Variants in EGFLAM observed in about 807,000 individuals in gnomAD.
EGFLAM encodes the protein pikachurin.
EGFLAM carries 79 observed loss-of-function variants against 113.1 expected under a neutral mutation model. The observed-to-expected ratio is 0.70, with a 90% CI of 0.58 to 0.84. The LOEUF (loss-of-function observed/expected upper bound fraction) is 0.84, where lower values mean the gene tolerates loss of function less well. Among genes scored for constraint, EGFLAM ranks in the 40% least tolerant of loss-of-function variants. EGFLAM has a pLI of 0.00. For missense variants in EGFLAM, 1,265 were observed against 1,291.6 expected (o/e 0.98, Z 0.32); for synonymous variants, 504 against 487.6 (o/e 1.03, Z -0.44).
chr5:38,368,907 G>C (rs1203104938), intron 5 of EGFLAM, among the ~76,000 whole-genome samples: 3 of 152,136 alleles, frequency 2.0e-5, no homozygotes, highest in Non-Finnish European at 2.9e-5. Flanking sequence ...TACTGCATAG[G>C]GCATTTTTGA....
In EGFLAM at chr5:38,456,298, G is replaced by A. The variant is rs145925742; in HGVS notation, c.2688-2013G>A. On this transcript the variant is annotated intron_variant, in intron 19 of 21. Coordinates refer to ENST00000322350, the MANE Select transcript of EGFLAM (RefSeq NM_152403.4). Reference sequence around the variant, plus strand: ...CAAGGTCACAGAGCTGTTAACTAGCGAGTCTGGGGATCAAGGCAGGTCCGT... The same window carrying A: ...CAAGGTCACAGAGCTGTTAACTAGCAAGTCTGGGGATCAAGGCAGGTCCGT... Among the ~76,000 whole-genome samples, 717 of 152,250 alleles carry A rather than the reference G, an allele frequency of 4.7e-3. 9 individuals are homozygous for A. The highest frequency in any genetic ancestry group is 0.017 in the African/African-American group (699 of 41,538).
At chr5:38,456,765 C>T (rs76964307) in intron 19 of EGFLAM, among the ~76,000 whole-genome samples, 3,698 of 152,208 alleles carry the variant, frequency 0.024, 153 homozygotes, top group African/African-American at 0.083. Flanking sequence ...GATTTTCTCT[C>T]GACATCCCTC....
At chr5:38,295,951 A>G (rs1304346009) in intron 1 of EGFLAM, among the ~76,000 whole-genome samples, 2 of 152,174 alleles carry the variant, frequency 1.3e-5, no homozygotes, top group Non-Finnish European at 2.9e-5. Context: ...GCAAAACACA[A>G]TCAGAGACAA....
intron 1 of EGFLAM, among the ~76,000 whole-genome samples, chr5:38,263,461 CA>C (rs955109663): frequency 1.3e-5 from 2 of 151,302 alleles, no homozygotes; most frequent in African/African-American, 2.4e-5. Flanking sequence ...GACTCTGTCT[CA>C]AAAAAAAGAA....
chr5:38,338,570 G>A (rs574461194), intron 2 of EGFLAM, 128 bp from the exon 3 acceptor site: 65 of 816,118 alleles, frequency 8.0e-5, no homozygotes, highest in South Asian at 1.9e-4. Context: ...GTGTGTTCCC[G>A]CAGAACTAGT....
At chr5:38,288,410 T>A (rs1195643927) in intron 1 of EGFLAM, among the ~76,000 whole-genome samples, 1 of 152,232 alleles carries the variant, frequency 6.6e-6, no homozygotes, top group Non-Finnish European at 1.5e-5. Context: ...TCCACTGTGA[T>A]ATAATCTATT....
At chr5:38,284,961 A>G (rs1758118432) in intron 1 of EGFLAM, among the ~76,000 whole-genome samples, 1 of 152,214 alleles carries the variant, frequency 6.6e-6, no homozygotes, top group Non-Finnish European at 1.5e-5. Context: ...AAGTAGTGAC[A>G]ATAGCTCTGT....
chr5:38,444,785 A>G (rs1004209505), intron 17 of EGFLAM, among the ~76,000 whole-genome samples: 1 of 152,142 alleles, frequency 6.6e-6, no homozygotes, highest in Non-Finnish European at 1.5e-5. Context: ...ACTCTACTAA[A>G]AATACAAAAA....
At chr5:38,301,037 G>A (rs1758563545) in intron 1 of EGFLAM, among the ~76,000 whole-genome samples, 1 of 152,180 alleles carries the variant, frequency 6.6e-6, no homozygotes, top group African/African-American at 2.4e-5. Flanking sequence ...TGTCTTGGAG[G>A]TGTTGTTACA....
chr5:38,284,375 G>A (rs1224530458), intron 1 of EGFLAM, among the ~76,000 whole-genome samples: 3 of 152,014 alleles, frequency 2.0e-5, no homozygotes, highest in Admixed American at 6.6e-5. Flanking sequence ...TTCTATTTAC[G>A]GGGTCTTTCT....
chr5:38,396,063 T>TTTTTTTTTTTTTTTTTTTTTTTTTGAG (rs1482050151), intron 6 of EGFLAM, among the ~76,000 whole-genome samples: 4 of 151,964 alleles, frequency 2.6e-5, no homozygotes, highest in African/African-American at 7.3e-5. Context: ...ACCCACTCTT[T>TTTTTTTTTTTTTTTTTTTTTTTTTGAG]AAAAGCCTCC....
Position 38,435,147 on chromosome 5 carries a change from C to A in EGFLAM, c.2177C>A (p.Thr726Lys), listed in dbSNP as rs1262409404. 1 of 1,613,878 alleles carries A rather than the reference C, an allele frequency of 6.2e-7. No individual in the cohort carries two copies. Among genetic ancestry groups the A allele is most frequent in the African/African-American group, 1.3e-5 (1 of 74,920 alleles). Residue 726 changes from threonine to lysine, a missense_variant, in exon 16 of 22, where the codon ACA becomes AAA. Transcript: ENST00000322350. ...IVEGMAEGGF[T>K]QIKCNTDIFI... ...TTAATCTTTTGGCAGGGAGGCTTCACACAGATTAAGTGCAACACAGACATT... is the reference window on the plus strand; with the variant it reads ...TTAATCTTTTGGCAGGGAGGCTTCAAACAGATTAAGTGCAACACAGACATT...
intron 5 of EGFLAM, among the ~76,000 whole-genome samples, 193 bp downstream of exon 5, chr5:38,352,524 G>T (rs773189356): frequency 1.3e-5 from 2 of 152,014 alleles, no homozygotes; most frequent in Non-Finnish European, 2.9e-5. Flanking sequence ...GCACGTGCCT[G>T]TAGTCTCAGC....
At chr5:38,313,326 T>G (rs891824188) in intron 1 of EGFLAM, among the ~76,000 whole-genome samples, 1 of 152,216 alleles carries the variant, frequency 6.6e-6, no homozygotes, top group South Asian at 2.1e-4. Context: ...AACGTTTCCA[T>G]GTGTTATCTT....
intron 1 of EGFLAM, among the ~76,000 whole-genome samples, chr5:38,311,420 A>C (rs964265180): frequency 7.2e-5 from 11 of 152,026 alleles, no homozygotes; most frequent in Non-Finnish European, 1.5e-4. Flanking sequence ...TTAAGATCCT[A>C]TATGTAAGTG....
chr5:38,419,189 G>C (rs1473592859), intron 12 of EGFLAM, among the ~76,000 whole-genome samples: 1 of 152,112 alleles, frequency 6.6e-6, no homozygotes, highest in African/African-American at 2.4e-5. Flanking sequence ...CCACTCTTAT[G>C]ACCTCAATTA....
chr5:38,391,824 T>C (rs1740820843), intron 6 of EGFLAM, among the ~76,000 whole-genome samples: 1 of 151,864 alleles, frequency 6.6e-6, no homozygotes, highest in Non-Finnish European at 1.5e-5. Context: ...CCGCCCAGGC[T>C]GGACTGCAGT....
At chr5:38,336,582 C>CACACACACACACACAG (rs1159354002) in intron 1 of EGFLAM, among the ~76,000 whole-genome samples, 1 of 151,628 alleles carries the variant, frequency 6.6e-6, no homozygotes, top group African/African-American at 2.4e-5. Flanking sequence ...CACACACACA[C>CACACACACACACACAG]ACACACACAC....
chr5:38,411,796 A>G (rs1642896689), intron 10 of EGFLAM, among the ~76,000 whole-genome samples: 4 of 149,866 alleles, frequency 2.7e-5, no homozygotes, highest in Admixed American at 2.7e-4. Context: ...TAAAATTTAA[A>G]CTTTTATTTT....
Sources: allele counts gnomAD v4.1 joint callset (sites outside exome capture counted in the v4.1 genomes callset), GRCh38; gene constraint gnomAD v4.1.1; transcripts MANE v1.5; gene names NCBI Gene and HGNC (gene_info 2026-07-23, HGNC 2026-07-21).